LARP1B: variants seen among roughly 807,000 people sequenced by gnomAD.
The protein encoded by LARP1B is la-related protein 1B.
LARP1B carries 76 observed loss-of-function variants against 114.2 expected under a neutral mutation model. The observed-to-expected ratio is 0.67, with a 90% confidence interval of 0.55 to 0.81. The LOEUF (loss-of-function observed/expected upper bound fraction) is 0.81, where lower values mean the gene tolerates loss of function less well. Ranked by LOEUF, LARP1B falls within the 30% of genes least tolerant of loss-of-function variation. The pLI, the probability that LARP1B is intolerant of heterozygous loss-of-function variation, is 0.00. For missense variants in LARP1B, 1,014 were observed against 1,075.8 expected, an observed-to-expected ratio of 0.94 and a Z score of 0.80; for synonymous variants, 345 against 348.0, an observed-to-expected ratio of 0.99 and a Z score of 0.10.
intron 8 of LARP1B, among the ~76,000 whole-genome samples, chr4:128,099,717 C>T (rs10857127): frequency 0.6 from 87,453 of 144,916 alleles, 26,034 homozygotes; most frequent in Middle Eastern, 0.78. Flanking sequence ...TATATATATA[C>T]ACACACACAC....
rs531466696 is a variant in LARP1B at position 128,083,910 on chromosome 4, C to T, written c.358+1605C>T. On this transcript the variant is annotated intron_variant, in intron 5 of 19. Coordinates refer to ENST00000326639, the MANE Select transcript of LARP1B (RefSeq NM_018078.4). Reference sequence around the variant, plus strand: ...GGGGCTCCTCACTTCTCAGACGGGGCGGCTGCCGGGTGGAGGGGCTCCTCA... The same window carrying T: ...GGGGCTCCTCACTTCTCAGACGGGGTGGCTGCCGGGTGGAGGGGCTCCTCA... Among the ~76,000 whole-genome samples the T allele has an allele frequency of 7.6e-4, 110 of 145,210 alleles. 1 individual carries two copies. In the East Asian group the frequency reaches 0.02, roughly 26 times the overall value.
intron 4 of LARP1B, among the ~76,000 whole-genome samples, chr4:128,081,203 C>T (rs982793230): frequency 5.3e-5 from 8 of 151,412 alleles, no homozygotes; most frequent in Non-Finnish European, 1.0e-4. Context: ...CTCAGCTTCC[C>T]GAGTAGCTGG....
chr4:128,136,440 AATG>A (rs1725361272), intron 11 of LARP1B, among the ~76,000 whole-genome samples: 1 of 152,206 alleles, frequency 6.6e-6, no homozygotes, highest in Admixed American at 6.5e-5. Context: ...AGTGTCATAT[AATG>A]ATAAAAAGTG....
intron 11 of LARP1B, chr4:128,155,897 C>A (rs1735371896): frequency 8.4e-6 from 13 of 1,548,716 alleles, no homozygotes; most frequent in South Asian, 1.1e-5. Flanking sequence ...GCCCACTGAC[C>A]CATCTGCAAA....
intron 6 of LARP1B, chr4:128,220,234 C>A: frequency 5.2e-6 from 1 of 191,510 alleles, no homozygotes; most frequent in Non-Finnish European, 9.6e-6. Context: ...CTCTGACATT[C>A]TGTATGCTTC....
rs1777266801 is a variant in LARP1B, at chr4:128,094,680, A to C, written c.668+3168A>C. On this transcript the variant is annotated intron_variant, in intron 7 of 19. Coordinates refer to ENST00000326639, the MANE Select transcript of LARP1B (RefSeq NM_018078.4). ...GGACAGTTTGTTATTGATTTAGGGAAGTTCACATCTCACAGCTAAGAACAG... is the reference window on the plus strand; with the variant it reads ...GGACAGTTTGTTATTGATTTAGGGACGTTCACATCTCACAGCTAAGAACAG... Among the ~76,000 whole-genome samples, 5 of 151,914 alleles carry C rather than the reference A, an allele frequency of 3.3e-5. No homozygotes were observed. The South Asian group carries it at 1.0e-3, about 32-fold the overall frequency.
intron 10 of LARP1B, among the ~76,000 whole-genome samples, chr4:128,119,758 T>C (rs1230205472): frequency 6.6e-6 from 1 of 152,224 alleles, no homozygotes; most frequent in Non-Finnish European, 1.5e-5. Context: ...ATTTATTTTC[T>C]GCTTTCCCGA....
intron 11 of LARP1B, among the ~76,000 whole-genome samples, chr4:128,159,836 A>G (rs573527517): frequency 2.0e-5 from 3 of 152,354 alleles, no homozygotes; most frequent in East Asian, 3.9e-4. Flanking sequence ...CTACTGCTCA[A>G]TTCAGCAATT....
At chr4:128,198,012 G>A (rs1172586594) in intron 15 of LARP1B, among the ~76,000 whole-genome samples, 1 of 150,150 alleles carries the variant, frequency 6.7e-6, no homozygotes, top group Non-Finnish European at 1.5e-5. Context: ...AGCCTCCCGA[G>A]TAGCTGGGAT....
intron 11 of LARP1B, among the ~76,000 whole-genome samples, chr4:128,134,647 G>C (rs1379814815): frequency 6.6e-6 from 1 of 152,262 alleles, no homozygotes; most frequent in African/African-American, 2.4e-5. Context: ...ACAGTTAACA[G>C]TAGGCAACCT....
chr4:128,205,579 A>G (rs931910900), intron 17 of LARP1B, among the ~76,000 whole-genome samples: 2 of 152,332 alleles, frequency 1.3e-5, no homozygotes, highest in East Asian at 3.9e-4. Context: ...TATATCTACT[A>G]TTAATTGTAC....
chr4:128,116,654 G>T (rs1785938459), intron 10 of LARP1B, among the ~76,000 whole-genome samples: 1 of 152,140 alleles, frequency 6.6e-6, no homozygotes, highest in African/African-American at 2.4e-5. Context: ...ATCTGGCCTG[G>T]AGGAAACATG....
chr4:128,098,061 T>C, intron 7 of LARP1B, 125 bp from the exon 8 acceptor site: 1 of 703,774 alleles, frequency 1.4e-6, no homozygotes. Context: ...ATTAGAGCTA[T>C]ACATATTGTT....
intron 7 of LARP1B, among the ~76,000 whole-genome samples, chr4:128,096,167 G>A (rs928183307): frequency 1.3e-5 from 2 of 151,896 alleles, no homozygotes; most frequent in African/African-American, 4.8e-5. Context: ...CTAATTTTTT[G>A]TATTTTTAGT....
Position 128,098,198 on chromosome 4 carries a change from C to A in LARP1B, c.681C>A (p.Phe227Leu). Residue 227 changes from phenylalanine (F) to leucine (L), a missense_variant, in exon 8 of 20, where the codon TTC becomes TTA. Coordinates refer to ENST00000326639, the MANE Select transcript of LARP1B (RefSeq NM_018078.4). ...TTTCTCTTTTCAGTGAATATTACTT[C>A]AGTGTAGAAAATTTGGAACGAGACT... ...EYIKRQIEYY[F>L]SVENLERDFF... The A allele has an allele frequency of 2.5e-6, 4 of 1,608,644 alleles. No individual in the cohort carries two copies. Among genetic ancestry groups the A allele is most frequent in the South Asian group, 1.1e-5 (1 of 90,888 alleles).
In LARP1B at chr4:128,155,757, G is replaced by C; in HGVS notation, c.1525-6437G>C. On this transcript the variant is annotated intron_variant, in intron 11 of 19. Transcript: ENST00000326639. ...ACAAGCTGGCTGCGGCCAAGTGTAGGAACTGGAGGAAGGAACTGACTGACT... is the reference window on the plus strand; with the variant it reads ...ACAAGCTGGCTGCGGCCAAGTGTAGCAACTGGAGGAAGGAACTGACTGACT... 6.2e-6 allele frequency: 10 copies of C among 1,606,714 alleles called. No individual in the cohort carries two copies. In the South Asian group the frequency reaches 8.8e-5, roughly 14 times the overall value.
At chr4:128,114,455 C>G in intron 9 of LARP1B, 115 bp from the exon 10 acceptor site, 1 of 748,468 alleles carries the variant, frequency 1.3e-6, no homozygotes, top group Non-Finnish European at 2.2e-6. Flanking sequence ...ACAGTTGAGA[C>G]TGATCATGTT....
At chr4:128,124,015 T>C (rs1183320990) in intron 11 of LARP1B, 1 of 152,262 alleles carries the variant, frequency 6.6e-6, no homozygotes, top group Non-Finnish European at 1.5e-5. Context: ...TTGGTTCTGA[T>C]TCTGTCTTCT....
Position 128,121,971 on chromosome 4 carries a change from C to T in LARP1B, c.1307C>T (p.Ser436Leu), listed in dbSNP as rs1009260575. 1.2e-6 allele frequency: 2 copies of T among 1,612,774 alleles called. No individual in the cohort carries two copies. The highest frequency in any genetic ancestry group is 1.7e-5 in the Admixed American group (1 of 59,994). The change falls in exon 11 of 20, where the codon TCA (serine) becomes TTA (leucine). Residue 436 changes from serine to leucine, a missense_variant. Ser to Leu is a moderately radical substitution (Grantham distance 145). Coordinates refer to ENST00000326639, the MANE Select transcript of LARP1B (RefSeq NM_018078.4). ...NTFTDWSDND[S>L]DYEIDDQDLN... ...TTTACTGATTGGTCTGATAATGATTCAGATTATGAAATTGATGACCAAGAC... is the reference window on the plus strand; with the variant it reads ...TTTACTGATTGGTCTGATAATGATTTAGATTATGAAATTGATGACCAAGAC...
Sources: allele counts gnomAD v4.1 joint callset (sites outside exome capture counted in the v4.1 genomes callset), GRCh38; gene constraint gnomAD v4.1.1; transcripts MANE v1.5; gene names NCBI Gene and HGNC (gene_info 2026-07-23, HGNC 2026-07-21).